SORL1: variants seen among roughly 807,000 people sequenced by gnomAD.
The protein encoded by SORL1 is sortilin related receptor 1, also known as sortilin-related receptor.
Under a neutral mutation model 273.7 loss-of-function variants are expected in SORL1, and 127 were observed. That is an observed-to-expected ratio of 0.46 (90% CI 0.40 to 0.54). The LOEUF (loss-of-function observed/expected upper bound fraction) is 0.54. Among genes scored for constraint, SORL1 ranks in the 20% least tolerant of loss-of-function variants. The probability of loss-of-function intolerance (pLI) is 0.00; values close to 1 mark genes in which losing one functional copy is unlikely to be tolerated. For synonymous variants in SORL1, 1,031 were observed against 1,067.4 expected, an observed-to-expected ratio of 0.97 and a Z score of 0.66; for missense variants, 2,494 against 2,846.1, an observed-to-expected ratio of 0.88 and a Z score of 2.81.
chr11:121,480,278 A>C (rs1330546444), intron 3 of SORL1, among the ~76,000 whole-genome samples: 2 of 152,294 alleles, frequency 1.3e-5, no homozygotes, highest in South Asian at 2.1e-4. Flanking sequence ...TATGTTCTAC[A>C]TGATAAATAC....
At chr11:121,517,882 T>A (rs1373993844) in intron 8 of SORL1, among the ~76,000 whole-genome samples, 1 of 152,230 alleles carries the variant, frequency 6.6e-6, no homozygotes, top group African/African-American at 2.4e-5. Context: ...AAAGGTGAAT[T>A]AGCACATCGT....
rs141450749 is a variant in SORL1 at position 121,553,072 on chromosome 11, G to T, written c.2267-865G>T. Among the ~76,000 whole-genome samples, 6 of 152,258 alleles carry T rather than the reference G, an allele frequency of 3.9e-5. No individual in the cohort carries two copies. In the East Asian group the frequency reaches 1.2e-3, roughly 29 times the overall value. On this transcript the variant is annotated intron_variant, in intron 16 of 47. Coordinates refer to ENST00000260197, the MANE Select transcript of SORL1 (RefSeq NM_003105.6). ...TTTCTACATCTTAAAAATCATCCACGGTAGCGTCTGTATCATAACAGGCAG... is the reference window on the plus strand; with the variant it reads ...TTTCTACATCTTAAAAATCATCCACTGTAGCGTCTGTATCATAACAGGCAG...
chr11:121,536,101 A>T (rs1171820162), intron 12 of SORL1, among the ~76,000 whole-genome samples: 4 of 152,170 alleles, frequency 2.6e-5, no homozygotes, highest in African/African-American at 9.6e-5. Context: ...CAGCATGATG[A>T]TATTTTTCGT....
chr11:121,605,710 T>C, intron 35 of SORL1, 139 bp downstream of exon 35: 1 of 683,390 alleles, frequency 1.5e-6, no homozygotes, highest in South Asian at 2.0e-5. Flanking sequence ...AGCTTTATAG[T>C]CTTGCCAGAG....
chr11:121,468,721 A>G (rs1394218250), intron 1 of SORL1, among the ~76,000 whole-genome samples: 1 of 152,148 alleles, frequency 6.6e-6, no homozygotes, highest in Admixed American at 6.5e-5. Context: ...GAGCCTGACC[A>G]GCTCTCAGAA....
At chr11:121,591,213 T>TG in intron 31 of SORL1, 57 bp downstream of exon 31, 3 of 1,583,682 alleles carry the variant, frequency 1.9e-6, no homozygotes, top group Non-Finnish European at 2.6e-6. Flanking sequence ...GAGGACCTTC[T>TG]GGGGGTGTGC....
chr11:121,570,344 C>A, intron 23 of SORL1, 74 bp downstream of exon 23: 1 of 1,153,466 alleles, frequency 8.7e-7, no homozygotes, highest in Non-Finnish European at 1.3e-6. Context: ...AGGCTGAGGG[C>A]CTAAGGTCTA....
In SORL1 at chr11:121,492,642, G is replaced by T. The variant is rs536100245; in HGVS notation, c.758+2532G>T. On this transcript the variant is annotated intron_variant, in intron 5 of 47. Transcript: ENST00000260197. ...CTTAAAATTGTAACTTTGGTAGAGA[G>T]TGCCAGATTTGATATAGAAAGTGTC... is the stretch of plus-strand genomic sequence containing the variant. 2.6e-5 allele frequency among the ~76,000 whole-genome samples: 4 copies of T among 152,268 alleles called. No individual in the cohort carries two copies. In the South Asian group the frequency reaches 8.3e-4, roughly 32 times the overall value.
rs115626917 is a variant in SORL1 at position 121,568,250 on chromosome 11, C to A, written c.3223+1137C>A. On this transcript the variant is annotated intron_variant, in intron 22 of 47. Coordinates refer to ENST00000260197, the MANE Select transcript of SORL1 (RefSeq NM_003105.6). ...CCCAAGTCCAAGGCAGTGAAACACA[C>A]AATACAAGCCTTTTAGTCAATCTTC... Among the ~76,000 whole-genome samples, 341 of 152,280 alleles carry A rather than the reference C, an allele frequency of 2.2e-3. 1 individual carries two copies. Among genetic ancestry groups the A allele is most frequent in the African/African-American group, 7.7e-3 (318 of 41,556 alleles).
At chr11:121,489,883 T>C (rs555279910) in intron 4 of SORL1, among the ~76,000 whole-genome samples, 160 bp from the exon 5 acceptor site, 1 of 152,354 alleles carries the variant, frequency 6.6e-6, no homozygotes, top group South Asian at 2.1e-4. Context: ...TTTCTTGCCC[T>C]TGTTTGCTTT....
intron 5 of SORL1, among the ~76,000 whole-genome samples, chr11:121,495,039 T>G (rs74940848): frequency 2.7e-3 from 416 of 152,236 alleles, no homozygotes; most frequent in African/African-American, 9.6e-3. Flanking sequence ...GAATCCAGAT[T>G]GTAGGGCAAA....
chr11:121,531,424 T>A (rs1361836114), intron 11 of SORL1, among the ~76,000 whole-genome samples: 2 of 152,130 alleles, frequency 1.3e-5, no homozygotes, highest in African/African-American at 4.8e-5. Flanking sequence ...AATATTCCAA[T>A]ATATGGGTCA....
intron 12 of SORL1, among the ~76,000 whole-genome samples, chr11:121,538,854 T>A (rs368290413): frequency 6.6e-6 from 1 of 152,074 alleles, no homozygotes; most frequent in African/African-American, 2.4e-5. Context: ...AATTTTTATA[T>A]TTTTAGTAGA....
chr11:121,551,196 G>A lies in SORL1; in HGVS notation c.2266+526G>A, dbSNP rs373559216. Among the ~76,000 whole-genome samples, 87 of 152,008 alleles carry A rather than the reference G, an allele frequency of 5.7e-4. 3 individuals are homozygous for A. Among genetic ancestry groups the A allele is most frequent in the African/African-American group, 1.0e-3 (43 of 41,392 alleles). ...TCAATTTTGTTTTTTACTTTTTCAC[G>A]AGGAAGCATGTTCAGAGGAGGTTAA... On this transcript the variant is annotated intron_variant, in intron 16 of 47. Transcript: ENST00000260197.
intron 1 of SORL1, among the ~76,000 whole-genome samples, chr11:121,459,396 C>T (rs945721582): frequency 6.6e-5 from 10 of 152,102 alleles, no homozygotes; most frequent in African/African-American, 2.2e-4. Flanking sequence ...GAGTGGAGGG[C>T]TTGGGTCTAG....
chr11:121,580,702 T>G (rs1389036749), intron 25 of SORL1, among the ~76,000 whole-genome samples: 1 of 150,978 alleles, frequency 6.6e-6, no homozygotes, highest in Non-Finnish European at 1.5e-5. Flanking sequence ...CCTCCTGGGC[T>G]CAATCCATCT....
chr11:121,559,651 A>G lies in SORL1; in HGVS notation c.3043A>G (p.Asn1015Asp). The G allele has an allele frequency of 1.2e-6, 2 of 1,614,036 alleles. No homozygotes were observed. The highest frequency in any genetic ancestry group is 2.2e-5 in the East Asian group (1 of 44,880). The change falls in exon 21 of 48, where the codon AAC (asparagine) becomes GAC (aspartate). Residue 1015 changes from asparagine (N) to aspartate (D), a missense_variant. Asn to Asp is a conservative substitution (Grantham distance 23, BLOSUM62 1). Transcript: ENST00000260197. The stretch of plus-strand genomic sequence containing the variant: ...CATGAAGATTTTCTACAAGGGGAAG[A>G]ACACTGGTAAGCCAGAGTCTCTTCT... ...MDMKIFYKGKNTGSNACVPRP... is the reference protein window; with the variant it reads ...MDMKIFYKGKDTGSNACVPRP...
chr11:121,622,833 G>A (rs193109530), intron 45 of SORL1, among the ~76,000 whole-genome samples: 162 of 152,336 alleles, frequency 1.1e-3, no homozygotes, highest in Non-Finnish European at 1.7e-3. Context: ...GTGAGACCTG[G>A]GAGTAGATTT....
At chr11:121,496,016 C>G (rs749265657) in intron 5 of SORL1, among the ~76,000 whole-genome samples, 7 of 152,214 alleles carry the variant, frequency 4.6e-5, no homozygotes, top group Non-Finnish European at 1.0e-4. Context: ...AATCACCCAA[C>G]TAAAGGGGTT....
Sources: gnomAD v4.1 joint callset for allele counts (sites outside exome capture counted in the v4.1 genomes callset) on GRCh38, gnomAD v4.1.1 for gene constraint, MANE v1.5 for transcripts, NCBI Gene and HGNC (gene_info 2026-07-23, HGNC 2026-07-21) for gene names.